The following ZCCHC14 variants were observed in gnomAD, a reference collection of about 807,000 sequenced individuals.
ZCCHC14 encodes zinc finger CCHC domain-containing protein 14.
ZCCHC14 carries 16 observed loss-of-function variants against 85.0 expected under a neutral mutation model. The observed-to-expected ratio is 0.19, with a 90% confidence interval of 0.13 to 0.29. The LOEUF is 0.29. Among genes scored for constraint, ZCCHC14 ranks in the 10% least tolerant of loss-of-function variants. ZCCHC14 has a pLI of 1.00. For synonymous variants in ZCCHC14, 775 were observed against 630.7 expected, an observed-to-expected ratio of 1.23 and a Z score of -3.43; for missense variants, 1,303 against 1,443.5, an observed-to-expected ratio of 0.90 and a Z score of 1.58.
intron 2 of ZCCHC14, among the ~76,000 whole-genome samples, chr16:87,438,272 A>G (rs1910026801): frequency 6.6e-6 from 1 of 152,278 alleles, no homozygotes; most frequent in Admixed American, 6.5e-5. Flanking sequence ...CTGTGTGTCA[A>G]CTGCAGGAGC....
intron 2 of ZCCHC14, among the ~76,000 whole-genome samples, chr16:87,438,527 G>C (rs926580564): frequency 6.6e-6 from 1 of 152,198 alleles, no homozygotes; most frequent in Non-Finnish European, 1.5e-5. Flanking sequence ...ACCTGAGTTC[G>C]AATATTCATT....
intron 2 of ZCCHC14, among the ~76,000 whole-genome samples, chr16:87,453,525 A>C (rs1413929600): frequency 6.6e-6 from 1 of 152,202 alleles, no homozygotes; most frequent in East Asian, 1.9e-4. Flanking sequence ...AGCGTCCCAG[A>C]CAAAGCCCAG....
chr16:87,463,746 G>C (rs930642019), intron 1 of ZCCHC14, among the ~76,000 whole-genome samples: 1 of 152,142 alleles, frequency 6.6e-6, no homozygotes. Context: ...TCGCTTCAAC[G>C]CGGGAGGTGG....
At chr16:87,443,319 C>T (rs1164004874) in intron 2 of ZCCHC14, among the ~76,000 whole-genome samples, 1 of 152,206 alleles carries the variant, frequency 6.6e-6, no homozygotes, top group Non-Finnish European at 1.5e-5. Flanking sequence ...TGAGAAAACA[C>T]TGCTGCTTCC....
intron 2 of ZCCHC14, among the ~76,000 whole-genome samples, chr16:87,437,452 G>A (rs184798538): frequency 1.0e-3 from 156 of 152,088 alleles, no homozygotes; most frequent in Non-Finnish European, 1.6e-3. Flanking sequence ...GAAAGCCTCC[G>A]TGAGGAAAGC....
At chr16:87,477,659 G>C (rs985096164) in intron 1 of ZCCHC14, among the ~76,000 whole-genome samples, 2 of 152,098 alleles carry the variant, frequency 1.3e-5, no homozygotes, top group African/African-American at 4.8e-5. Context: ...TGCTAAAATG[G>C]GGACAAAAAT....
At chr16:87,427,006 C>T (rs1170050561) in intron 3 of ZCCHC14, among the ~76,000 whole-genome samples, 3 of 152,214 alleles carry the variant, frequency 2.0e-5, no homozygotes, top group East Asian at 3.9e-4. Context: ...CGACGGGACG[C>T]GGGCTCGCGT....
At chr16:87,453,162 G>A (rs1205318704) in intron 2 of ZCCHC14, among the ~76,000 whole-genome samples, 2 of 152,206 alleles carry the variant, frequency 1.3e-5, no homozygotes, top group Non-Finnish European at 2.9e-5. Context: ...TGCTCCTGGG[G>A]GACAAAGCCA....
At chr16:87,465,058 A>G (rs559726654) in intron 1 of ZCCHC14, among the ~76,000 whole-genome samples, 1 of 152,254 alleles carries the variant, frequency 6.6e-6, no homozygotes, top group South Asian at 2.1e-4. Context: ...GTCCTCCCCC[A>G]GCTCTTCACT....
At chr16:87,435,486 G>C (rs924434818) in intron 2 of ZCCHC14, among the ~76,000 whole-genome samples, 1 of 152,248 alleles carries the variant, frequency 6.6e-6, no homozygotes, top group Non-Finnish European at 1.5e-5. Context: ...CTGAGGAGCT[G>C]TGCCAGACAC....
chr16:87,482,733 G>C (rs1483617615), intron 1 of ZCCHC14, among the ~76,000 whole-genome samples: 1 of 152,198 alleles, frequency 6.6e-6, no homozygotes, highest in Non-Finnish European at 1.5e-5. Flanking sequence ...ATCTGGGAGG[G>C]AGAGCAGAGA....
intron 2 of ZCCHC14, among the ~76,000 whole-genome samples, chr16:87,445,242 T>C (rs1910379627): frequency 6.6e-6 from 1 of 152,078 alleles, no homozygotes; most frequent in African/African-American, 2.4e-5. Context: ...AATTTTTGTA[T>C]TTTTAGTAGA....
chr16:87,444,022 G>C (rs1432227525), intron 2 of ZCCHC14, among the ~76,000 whole-genome samples: 1 of 135,148 alleles, frequency 7.4e-6, no homozygotes, highest in Non-Finnish European at 1.6e-5. Context: ...GGGTGACAGA[G>C]TGAGACTCTA....
Position 87,447,659 on chromosome 16 carries a change from A to G in ZCCHC14, c.694+12349T>C, listed in dbSNP as rs8053379. The stretch of plus-strand genomic sequence containing the variant: ...TTGGGGCTATTATGCATAAGCTGCT[A>G]TAAGCCTTCATCTCCAAGTGCTGTT... On this transcript the variant is annotated intron_variant, in intron 2 of 12. Coordinates refer to ENST00000671377, the MANE Select transcript of ZCCHC14 (RefSeq NM_015144.3). 4.8e-3 allele frequency among the ~76,000 whole-genome samples: 730 copies of G among 152,360 alleles called. 4 individuals carry two copies. The highest frequency in any genetic ancestry group is 0.016 in the African/African-American group (686 of 41,580).
intron 2 of ZCCHC14, among the ~76,000 whole-genome samples, chr16:87,440,779 G>C (rs1205793135): frequency 6.6e-6 from 1 of 151,010 alleles, no homozygotes; most frequent in Non-Finnish European, 1.5e-5. Flanking sequence ...GCCGATTTTT[G>C]TATTTTTTTT....
chr16:87,419,972 G>T, intron 5 of ZCCHC14, 95 bp from the exon 6 acceptor site: 2 of 1,049,770 alleles, frequency 1.9e-6, no homozygotes, highest in Non-Finnish European at 2.7e-6. Context: ...AGAGAAATGT[G>T]TATTAGAGGA....
intron 1 of ZCCHC14, among the ~76,000 whole-genome samples, chr16:87,481,536 GGGGGGT>G (rs1912273175): frequency 6.3e-5 from 2 of 31,930 alleles, no homozygotes; most frequent in African/African-American, 2.0e-4. Context: ...CGGGGGGGGG[GGGGGGT>G]GGGGGGGGGG....
chr16:87,483,862 C>T (rs4843245), intron 1 of ZCCHC14, among the ~76,000 whole-genome samples: 99,014 of 152,200 alleles, frequency 0.65, 36,179 homozygotes, highest in Non-Finnish European at 0.83. Context: ...GTCCCATCTG[C>T]TGTCTGTAAC....
intron 10 of ZCCHC14, among the ~76,000 whole-genome samples, chr16:87,413,745 G>C (rs1256109863): frequency 6.6e-6 from 1 of 150,874 alleles, no homozygotes; most frequent in African/African-American, 2.4e-5. Context: ...AAGGTCCATG[G>C]AGAACCATGT....
Sources: allele counts gnomAD v4.1 joint callset (sites outside exome capture counted in the v4.1 genomes callset), GRCh38; gene constraint gnomAD v4.1.1; transcripts MANE v1.5; gene names NCBI Gene and HGNC (gene_info 2026-07-23, HGNC 2026-07-21).